Variants in UXS1 observed in about 807,000 individuals in gnomAD.
UXS1 encodes the protein UDP-glucuronate decarboxylase 1.
A neutral mutation model predicts 62.6 loss-of-function variants in UXS1; 33 were observed. The ratio of observed to expected loss-of-function variants is 0.53; its 90% CI spans 0.40 to 0.70. The LOEUF (loss-of-function observed/expected upper bound fraction) is 0.70. Among genes scored for constraint, UXS1 ranks in the 30% least tolerant of loss-of-function variants. The pLI is 0.00. For missense variants in UXS1, 434 were observed against 556.3 expected, an observed-to-expected ratio of 0.78 and a Z score of 2.21; for synonymous variants, 213 against 206.8, an observed-to-expected ratio of 1.03 and a Z score of -0.26.
chr2:106,179,364 T>C (rs550449801), intron 1 of UXS1, among the ~76,000 whole-genome samples: 25 of 152,240 alleles, frequency 1.6e-4, no homozygotes, highest in Admixed American at 1.4e-3. Flanking sequence ...TCTGTCATCT[T>C]TCCCAACCCT....
intron 1 of UXS1, among the ~76,000 whole-genome samples, chr2:106,187,688 C>T (rs191245209): frequency 6.6e-5 from 10 of 151,820 alleles, no homozygotes; most frequent in East Asian, 3.9e-4. Context: ...ATCCACAATA[C>T]ACCAAAAATT....
At chr2:106,105,507 C>G (rs2104856252) in intron 10 of UXS1, among the ~76,000 whole-genome samples, 1 of 152,286 alleles carries the variant, frequency 6.6e-6, no homozygotes, top group South Asian at 2.1e-4. Flanking sequence ...TACTTTCCAC[C>G]TGGCAGAGTG....
At chr2:106,124,994 C>A (rs901655986) in intron 8 of UXS1, among the ~76,000 whole-genome samples, 1 of 152,202 alleles carries the variant, frequency 6.6e-6, no homozygotes, top group Non-Finnish European at 1.5e-5. Flanking sequence ...TTCTCCTGAA[C>A]CTTGCACACC....
At chr2:106,145,071 A>C in intron 6 of UXS1, 119 bp downstream of exon 6, 2 of 1,166,898 alleles carry the variant, frequency 1.7e-6, no homozygotes, top group East Asian at 2.5e-5. Context: ...CATTTCAAAA[A>C]TAAAACCCAA....
At chr2:106,147,197 G>A (rs1047837485) in intron 5 of UXS1, among the ~76,000 whole-genome samples, 3 of 152,020 alleles carry the variant, frequency 2.0e-5, no homozygotes, top group East Asian at 3.9e-4. Flanking sequence ...TTGGCCAAAC[G>A]GAACCCCAGA....
chr2:106,193,209 G>C (rs1019470834), intron 1 of UXS1, among the ~76,000 whole-genome samples: 10 of 152,110 alleles, frequency 6.6e-5, no homozygotes, highest in Admixed American at 1.3e-4. Context: ...TCTGGAATCA[G>C]ATCTTGGTAA....
chr2:106,164,713 AC>A, intron 3 of UXS1, 22 bp downstream of exon 3: 1 of 1,518,372 alleles, frequency 6.6e-7, no homozygotes, highest in African/African-American at 1.4e-5. Flanking sequence ...TGAAATAGAT[AC>A]AAAAATAGAA....
At chr2:106,188,127 A>T (rs1477694889) in intron 1 of UXS1, among the ~76,000 whole-genome samples, 2 of 149,558 alleles carry the variant, frequency 1.3e-5, no homozygotes, top group Non-Finnish European at 3.0e-5. Context: ...TTTGTCTTTG[A>T]TTTCTTTTCT....
intron 1 of UXS1, among the ~76,000 whole-genome samples, chr2:106,172,226 G>C (rs1039489945): frequency 1.3e-5 from 2 of 152,196 alleles, no homozygotes; most frequent in African/African-American, 4.8e-5. Context: ...AAGCAGTGGG[G>C]GGCGGGGTGG....
chr2:106,100,741 C>A, intron 12 of UXS1: 2 of 277,068 alleles, frequency 7.2e-6, no homozygotes, highest in African/African-American at 2.2e-5. Flanking sequence ...AATGATGACC[C>A]GCCTGTTAAA....
At chr2:106,149,327 T>C (rs944834410) in intron 5 of UXS1, among the ~76,000 whole-genome samples, 2 of 152,198 alleles carry the variant, frequency 1.3e-5, no homozygotes, top group Non-Finnish European at 2.9e-5. Flanking sequence ...CCTGTAACAG[T>C]GCTGCTGTGC....
At chr2:106,149,055 T>C (rs529158858) in intron 5 of UXS1, among the ~76,000 whole-genome samples, 1 of 152,272 alleles carries the variant, frequency 6.6e-6, no homozygotes, top group African/African-American at 2.4e-5. Context: ...TCAAAGCAAG[T>C]CTCCTCTTTC....
intron 11 of UXS1, among the ~76,000 whole-genome samples, chr2:106,103,470 G>GT (rs1269629325): frequency 2.6e-5 from 4 of 152,164 alleles, no homozygotes; most frequent in African/African-American, 9.7e-5. Flanking sequence ...ATAAGAACGC[G>GT]TCACTATGGA....
intron 5 of UXS1, among the ~76,000 whole-genome samples, chr2:106,150,841 G>A (rs1233140027): frequency 6.6e-6 from 1 of 152,206 alleles, no homozygotes; most frequent in Non-Finnish European, 1.5e-5. Context: ...GCAGCCAGGT[G>A]GACTGAGACC....
At chr2:106,102,753 T>C (rs1431414183) in intron 11 of UXS1, 1 of 152,106 alleles carries the variant, frequency 6.6e-6, no homozygotes, top group Non-Finnish European at 1.5e-5. Flanking sequence ...AGACGCTCAG[T>C]TCCTAAAAAA....
Position 106,170,801 on chromosome 2 carries a change from C to T in UXS1, c.95-4718G>A, listed in dbSNP as rs535475935. ...AGCCTGGAAGGTTGCAGGGCATAGA[C>T]CTTAAAAGTTAAACATTACTTTAAA... is the stretch of plus-strand genomic sequence containing the variant. On this transcript the variant is annotated intron_variant, in intron 1 of 14. Coordinates refer to ENST00000283148, the MANE Select transcript of UXS1 (RefSeq NM_001253875.2). 7.9e-5 allele frequency among the ~76,000 whole-genome samples: 12 copies of T among 152,316 alleles called. No individual in the cohort carries two copies. In the South Asian group the frequency reaches 1.0e-3, roughly 13 times the overall value.
chr2:106,101,004 C>A (rs748408911), intron 12 of UXS1, 54 bp downstream of exon 12: 7 of 1,607,394 alleles, frequency 4.4e-6, no homozygotes, highest in African/African-American at 1.3e-5. Context: ...CATGGTTTCA[C>A]AAATGAACGA....
At chr2:106,106,296 G>A (rs1678060959) in intron 10 of UXS1, among the ~76,000 whole-genome samples, 1 of 151,024 alleles carries the variant, frequency 6.6e-6, no homozygotes, top group Non-Finnish European at 1.5e-5. Flanking sequence ...CCTGGGAGGC[G>A]GAGGTTGCAG....
chr2:106,120,376 G>C (rs571561826), intron 9 of UXS1, among the ~76,000 whole-genome samples: 26 of 152,312 alleles, frequency 1.7e-4, no homozygotes, highest in Admixed American at 1.4e-3. Flanking sequence ...AGGACCCCTA[G>C]GGTCAAGGGC....
Sources: allele counts gnomAD v4.1 joint callset (sites outside exome capture counted in the v4.1 genomes callset), GRCh38; gene constraint gnomAD v4.1.1; transcripts MANE v1.5; gene names NCBI Gene and HGNC (gene_info 2026-07-23, HGNC 2026-07-21).